Variants in CPNE9 observed in about 807,000 individuals in gnomAD.
CPNE9 encodes copine family member 9, also known as copine-9.
A neutral mutation model predicts 83.0 loss-of-function variants in CPNE9; 59 were observed. The ratio of observed to expected loss-of-function variants is 0.71; its 90% confidence interval spans 0.58 to 0.88. The LOEUF is 0.88. Among genes scored for constraint, CPNE9 ranks in the 40% least tolerant of loss-of-function variants. The pLI is 0.00. For missense variants in CPNE9, 619 were observed against 720.8 expected, an observed-to-expected ratio of 0.86 and a Z score of 1.62; for synonymous variants, 256 against 273.4, an observed-to-expected ratio of 0.94 and a Z score of 0.63.
chr3:9,709,766 T>A (rs374523788), intron 7 of CPNE9, among the ~76,000 whole-genome samples: 4 of 151,500 alleles, frequency 2.6e-5, no homozygotes, highest in East Asian at 3.9e-4. Context: ...GAGGCAGGTG[T>A]ATCACCTGAG....
At position 9,717,043 on chromosome 3, in the gene CPNE9, CT is replaced by C. The variant is rs1444603426; in HGVS notation, c.885-14del. The C allele has an allele frequency of 6.2e-7, 1 of 1,613,960 alleles. No homozygotes were observed. Among genetic ancestry groups the C allele is most frequent in the East Asian group, 2.2e-5 (1 of 44,894 alleles). ...ATTAGTTCCTCACTTCTCAATTCAT[CT>C]GCTTCCCCAACAGGACACAGCTGAA... On this transcript the variant is annotated splice_polypyrimidine_tract_variant and intron_variant, in intron 14 of 20. Coordinates refer to ENST00000383832, the MANE Select transcript of CPNE9 (RefSeq NM_153635.3).
At chr3:9,716,356 A>G (rs1214509431) in intron 14 of CPNE9, among the ~76,000 whole-genome samples, 1 of 152,202 alleles carries the variant, frequency 6.6e-6, no homozygotes, top group Non-Finnish European at 1.5e-5. Flanking sequence ...GAGGTAGAAG[A>G]GAGGGCACAA....
rs771386948 is a variant in CPNE9 at position 9,726,053 on chromosome 3, T to A, written c.1344+2T>A. ...CAGACCAAGGAGGCCATCGTCAGCG[T>A]GAGTCTGAGGAGGAGGGCTTGGCAG... On this transcript the variant is annotated splice_donor_variant, in intron 18 of 20. Coordinates refer to ENST00000383832, the MANE Select transcript of CPNE9 (RefSeq NM_153635.3). LOFTEE classifies it high-confidence loss of function. 1.1e-5 allele frequency: 17 copies of A among 1,591,058 alleles called. No homozygotes were observed. Among genetic ancestry groups the A allele is most frequent in the Non-Finnish European group, 1.4e-5 (16 of 1,165,592 alleles).
At chr3:9,712,462 C>T in intron 7 of CPNE9, 79 bp from the exon 8 acceptor site, 2 of 1,142,132 alleles carry the variant, frequency 1.8e-6, no homozygotes, top group Non-Finnish European at 2.7e-6. Flanking sequence ...ATCCCCTGGC[C>T]CACCTAACCC....
chr3:9,718,455 C>A lies in CPNE9; in HGVS notation c.1114-20C>A, dbSNP rs1472511473. The A allele has an allele frequency of 3.7e-6, 6 of 1,607,220 alleles. No homozygotes were observed. Among genetic ancestry groups the A allele is most frequent in the Non-Finnish European group, 5.1e-6 (6 of 1,175,726 alleles). On this transcript the variant is annotated intron_variant, in intron 16 of 20. Transcript: ENST00000383832. The stretch of plus-strand genomic sequence containing the variant: ...TGTACCCTGCATGGGCTCAGCCTGG[C>A]AGGGCATATTCTTTGACAGAACAAC...
intron 9 of CPNE9, 62 bp from the exon 10 acceptor site, chr3:9,712,913 C>G: frequency 6.4e-7 from 1 of 1,568,666 alleles, no homozygotes; most frequent in East Asian, 2.2e-5. Context: ...CTGAGAGCAT[C>G]TGGATTCAGT....
At chr3:9,706,275 T>TC (rs962244040) in intron 7 of CPNE9, among the ~76,000 whole-genome samples, 20 of 150,362 alleles carry the variant, frequency 1.3e-4, no homozygotes, top group East Asian at 3.9e-4. Flanking sequence ...TTTTTTTTTT[T>TC]TCTCTCTCTC....
intron 15 of CPNE9, among the ~76,000 whole-genome samples, chr3:9,717,670 G>A (rs376646281): frequency 3.3e-5 from 5 of 151,836 alleles, no homozygotes; most frequent in Admixed American, 6.6e-5. Flanking sequence ...AGACAAGTGG[G>A]TGGATGGATG....
intron 16 of CPNE9, 132 bp from the exon 17 acceptor site, chr3:9,718,343 G>A (rs2076704058): frequency 5.0e-6 from 7 of 1,395,286 alleles, no homozygotes; most frequent in Non-Finnish European, 6.9e-6. Flanking sequence ...GCAGAGCAGG[G>A]AGGGGAGCAG....
At chr3:9,726,974 A>G in intron 19 of CPNE9, 139 bp from the exon 20 acceptor site, 1 of 930,318 alleles carries the variant, frequency 1.1e-6, no homozygotes. Context: ...TAACTCCATA[A>G]CGAAGACTGA....
chr3:9,718,431 G>A, intron 16 of CPNE9, 44 bp from the exon 17 acceptor site: 1 of 1,594,444 alleles, frequency 6.3e-7, no homozygotes, highest in Non-Finnish European at 8.6e-7. Context: ...ACTCCTGCAT[G>A]TACCCTGCAT....
At chr3:9,707,415 A>T (rs967975134) in intron 7 of CPNE9, among the ~76,000 whole-genome samples, 3 of 151,418 alleles carry the variant, frequency 2.0e-5, no homozygotes, top group African/African-American at 7.3e-5. Flanking sequence ...GCAGAGAGCC[A>T]ATGAGAAGAC....
intron 14 of CPNE9, among the ~76,000 whole-genome samples, chr3:9,716,759 G>A (rs966435601): frequency 3.9e-5 from 6 of 152,174 alleles, no homozygotes; most frequent in African/African-American, 7.2e-5. Flanking sequence ...CGTGAGCCAC[G>A]GCGCCCAGCC....
chr3:9,722,168 C>A (rs567364144), intron 17 of CPNE9, among the ~76,000 whole-genome samples: 4 of 151,856 alleles, frequency 2.6e-5, no homozygotes, highest in Middle Eastern at 3.4e-3. Context: ...CCACCCCCCC[C>A]CGCCACCCGG....
chr3:9,721,736 T>C (rs1216357864), intron 17 of CPNE9, among the ~76,000 whole-genome samples: 1 of 152,026 alleles, frequency 6.6e-6, no homozygotes, highest in Non-Finnish European at 1.5e-5. Flanking sequence ...GAGTGCGCAC[T>C]GTGTACAGAG....
chr3:9,716,300 G>C (rs536152193), intron 14 of CPNE9, among the ~76,000 whole-genome samples: 2 of 152,276 alleles, frequency 1.3e-5, no homozygotes, highest in African/African-American at 4.8e-5. Flanking sequence ...GGTGGCCCCA[G>C]TAACCTAATT....
intron 9 of CPNE9, 28 bp downstream of exon 9, chr3:9,712,856 G>A: frequency 6.3e-7 from 1 of 1,598,234 alleles, no homozygotes; most frequent in Non-Finnish European, 8.6e-7. Flanking sequence ...GGGCTGTTAG[G>A]CTGGGGTGGG....
chr3:9,707,894 T>C (rs570836564), intron 7 of CPNE9, among the ~76,000 whole-genome samples: 1 of 151,590 alleles, frequency 6.6e-6, no homozygotes, highest in South Asian at 2.1e-4. Context: ...ACATATAAAA[T>C]GTTAGACATC....
chr3:9,714,311 G>C (rs1310240672), intron 10 of CPNE9, among the ~76,000 whole-genome samples: 1 of 152,100 alleles, frequency 6.6e-6, no homozygotes, highest in Non-Finnish European at 1.5e-5. Flanking sequence ...TAATTGGACT[G>C]GCAAATATAT....
Sources: allele counts gnomAD v4.1 joint callset (sites outside exome capture counted in the v4.1 genomes callset), GRCh38; gene constraint gnomAD v4.1.1; transcripts MANE v1.5; gene names NCBI Gene and HGNC (gene_info 2026-07-23, HGNC 2026-07-21).